DPP9: variants seen among roughly 807,000 people sequenced by gnomAD.
The protein encoded by DPP9 is dipeptidyl peptidase IV-related protein-2.
In DPP9, 50 loss-of-function variants were observed where a neutral mutation model predicts 110.7. The ratio of observed to expected loss-of-function variants is 0.45; its 90% CI spans 0.36 to 0.57. DPP9 has a LOEUF of 0.57. DPP9 is among the 20% of genes least tolerant of loss of function. The probability of loss-of-function intolerance (pLI) is 0.00; values close to 1 mark genes in which losing one functional copy is unlikely to be tolerated. For synonymous variants in DPP9, 561 were observed against 514.4 expected (o/e 1.09, Z -1.23); for missense variants, 1,022 against 1,217.9 (o/e 0.84, Z 2.39).
chr19:4,682,632 A>G lies in DPP9; in HGVS notation c.2474+64T>C. On this transcript the variant is annotated intron_variant, in intron 20 of 21. Transcript: ENST00000262960. This position sits in a 1 kb window ranked among gnomAD's most constrained non-coding sequence, Gnocchi z 7.1. ...GGGGCAGGAGGGCACCCTCATAGAG[A>G]CAGCTGGTGCCGGGGTGCAGGAGAA... is the stretch of plus-strand genomic sequence containing the variant. 1 of 1,575,368 alleles carries G rather than the reference A, an allele frequency of 6.3e-7. No homozygotes were observed. The highest frequency in any genetic ancestry group is 8.6e-7 in the Non-Finnish European group (1 of 1,161,624).
chr19:4,686,033 C>T (rs2090651481), intron 16 of DPP9: 1 of 414,776 alleles, frequency 2.4e-6, no homozygotes, highest in East Asian at 4.4e-5. Flanking sequence ...CCACCTCGGC[C>T]TCCTGTGTAG....
chr19:4,697,963 A>G (rs1372434824), intron 10 of DPP9, among the ~76,000 whole-genome samples: 2 of 152,176 alleles, frequency 1.3e-5, no homozygotes, highest in African/African-American at 4.8e-5. Context: ...GCCACCAAGA[A>G]GCCATGGAGA....
intron 4 of DPP9, among the ~76,000 whole-genome samples, chr19:4,713,485 C>T (rs773229314): frequency 3.9e-5 from 6 of 152,358 alleles, no homozygotes; most frequent in South Asian, 2.1e-4. Context: ...TGCAGGCACA[C>T]GCCCAGAGGA....
chr19:4,684,150 C>G lies in DPP9; in HGVS notation c.2178+513G>C, dbSNP rs1339654074. ...ACTCATGTGAATGGGATGAGGGGCC[C>G]TTATAAAAGGGCCTGATGGAGGGAG... On this transcript the variant is annotated intron_variant, in intron 18 of 21. Coordinates refer to ENST00000262960, the MANE Select transcript of DPP9 (RefSeq NM_139159.5). This position sits in a 1 kb window ranked among gnomAD's most constrained non-coding sequence, Gnocchi z 4.8. 3.5e-6 allele frequency: 1 copy of G among 282,152 alleles called. No individual in the cohort carries two copies. Among genetic ancestry groups the G allele is most frequent in the East Asian group, 8.9e-5 (1 of 11,264 alleles). The allele number at this position is 282,152 out of a possible 1,614,324, so 17.5% of individuals were successfully genotyped here. A position where few individuals can be genotyped will look rare whatever the true frequency, so the allele number is the denominator to read the frequency against.
chr19:4,685,221 G>C lies in DPP9; in HGVS notation c.2031+405C>G, dbSNP rs1276322762. The C allele has an allele frequency of 9.6e-6, 5 of 519,176 alleles. No homozygotes were observed. The highest frequency in any genetic ancestry group is 7.7e-5 in the South Asian group (5 of 65,144). The allele number at this position is 519,176 out of a possible 1,614,324, so 32.2% of individuals were successfully genotyped here. On this transcript the variant is annotated intron_variant, in intron 17 of 21. Transcript: ENST00000262960. The surrounding 1 kb of genome is among the most constrained non-coding windows in gnomAD (Gnocchi z 5.8). ...AGACATCGCCCCGTATCCTCTGTGG[G>C]GACAGAGCTGCTCTGGGTAAGATGT... is the stretch of plus-strand genomic sequence containing the variant.
intron 19 of DPP9, 33 bp downstream of exon 19, chr19:4,683,444 G>A (rs371059182): frequency 7.1e-5 from 115 of 1,611,494 alleles, no homozygotes; most frequent in Non-Finnish European, 9.6e-5. Flanking sequence ...GCAGGGAGGG[G>A]CGTGGCTGAG....
rs1460303804 is a variant in DPP9 at position 4,718,813 on chromosome 19, C to G, written c.56+1038G>C. On this transcript the variant is annotated intron_variant, in intron 3 of 21. Transcript: ENST00000262960. This position sits in a 1 kb window ranked among gnomAD's most constrained non-coding sequence, Gnocchi z 4.3. ...TCCCCGTCTTCCCCGGTCCATTCTT[C>G]AATTCCCTTCCCAGCTGAGCATGCT... Among the ~76,000 whole-genome samples, 1 of 152,232 alleles carries G rather than the reference C, an allele frequency of 6.6e-6. No homozygotes were observed. The highest frequency in any genetic ancestry group is 2.4e-5 in the African/African-American group (1 of 41,468).
At chr19:4,691,099 A>G (rs1439229420) in intron 13 of DPP9, 142 bp from the exon 14 acceptor site, 2 of 653,308 alleles carry the variant, frequency 3.1e-6, no homozygotes, top group Non-Finnish European at 5.4e-6. Context: ...ACGCCAGCAC[A>G]GGCCACTGCG....
chr19:4,676,847 T>A lies in DPP9; in HGVS notation c.2587-191A>T, dbSNP rs572540096. Among the ~76,000 whole-genome samples the A allele has an allele frequency of 2.8e-4, 42 of 152,182 alleles. No individual in the cohort carries two copies. Among genetic ancestry groups the A allele is most frequent in the African/African-American group, 8.9e-4 (37 of 41,522 alleles). On this transcript the variant is annotated intron_variant, in intron 21 of 21. Transcript: ENST00000262960. This position sits in a 1 kb window ranked among gnomAD's most constrained non-coding sequence, Gnocchi z 4.0. ...GGGCCTCTCTAAAAAATGGGGTGAA[T>A]CCGGACCTCACAGTCTTTGGGAGGA... is the stretch of plus-strand genomic sequence containing the variant.
intron 19 of DPP9, chr19:4,683,071 G>A (rs972049973): frequency 1.8e-4 from 272 of 1,488,992 alleles, no homozygotes; most frequent in Non-Finnish European, 2.3e-4. Context: ...CCCCGCCGCC[G>A]CAGAGGGCCG....
Position 4,685,277 on chromosome 19 carries a change from T to C in DPP9, c.2031+349A>G. ...TAAGATGGTCCAACTGCCAATCTGCTGCCTGCTTTTGACCCCTGCTCCAGG... is the reference window on the plus strand; with the variant it reads ...TAAGATGGTCCAACTGCCAATCTGCCGCCTGCTTTTGACCCCTGCTCCAGG... On this transcript the variant is annotated intron_variant, in intron 17 of 21. Coordinates refer to ENST00000262960, the MANE Select transcript of DPP9 (RefSeq NM_139159.5). The surrounding 1 kb of genome is among the most constrained non-coding windows in gnomAD (Gnocchi z 5.8). 1.9e-6 allele frequency: 1 copy of C among 538,842 alleles called. No individual in the cohort carries two copies. The highest frequency in any genetic ancestry group is 4.7e-5 in the East Asian group (1 of 21,424). The allele number at this position is 538,842 out of a possible 1,614,324, so 33.4% of individuals were successfully genotyped here. A position where few individuals can be genotyped will look rare whatever the true frequency, so the allele number is the denominator to read the frequency against.
intron 16 of DPP9, among the ~76,000 whole-genome samples, chr19:4,686,173 C>G (rs898410890): frequency 2.0e-5 from 3 of 151,962 alleles, no homozygotes; most frequent in African/African-American, 7.2e-5. Context: ...CTGCAACCTC[C>G]GCCTTCCTGG....
Position 4,679,940 on chromosome 19 carries a change from G to A in DPP9, c.2481C>T (p.Asn827=). The A allele has an allele frequency of 6.2e-7, 1 of 1,611,646 alleles. No homozygotes were observed. The highest frequency in any genetic ancestry group is 8.5e-7 in the Non-Finnish European group (1 of 1,178,968). Residue 827 remains asparagine, a synonymous_variant, in exon 21 of 22, where the codon AAC becomes AAT. Transcript: ENST00000262960. ...LHVEKLPNEP[N]RLLILHGFLD... Reference sequence around the variant, plus strand: ...GGAAGCCGTGGAGGATAAGCAAGCGGTTGGGCCTGGAAAACAGATGGGGAA... The same window carrying A: ...GGAAGCCGTGGAGGATAAGCAAGCGATTGGGCCTGGAAAACAGATGGGGAA...
In DPP9 at chr19:4,682,543, C is replaced by T. The variant is rs923123618; in HGVS notation, c.2474+153G>A. 6.6e-6 allele frequency among the ~76,000 whole-genome samples: 1 copy of T among 152,144 alleles called. No individual in the cohort carries two copies. Among genetic ancestry groups the T allele is most frequent in the African/African-American group, 2.4e-5 (1 of 41,442 alleles). On this transcript the variant is annotated intron_variant, in intron 20 of 21. Coordinates refer to ENST00000262960, the MANE Select transcript of DPP9 (RefSeq NM_139159.5). This position sits in a 1 kb window ranked among gnomAD's most constrained non-coding sequence, Gnocchi z 7.1. ...GGACTGTGAGGCACATGCAGGCAGA[C>T]GCCACCACAGGAGCACAGCGGGGAG...
intron 4 of DPP9, among the ~76,000 whole-genome samples, chr19:4,713,255 C>T (rs2092916412): frequency 6.6e-6 from 1 of 152,232 alleles, no homozygotes; most frequent in African/African-American, 2.4e-5. Context: ...AAGACACAGG[C>T]CTGGCTGATC....
chr19:4,722,162 CT>C (rs2093351729), intron 2 of DPP9: 1 of 292,966 alleles, frequency 3.4e-6, no homozygotes, highest in Non-Finnish European at 6.3e-6. Context: ...AACTAAAGTC[CT>C]TTCAGGGCCA....
chr19:4,685,547 A>T lies in DPP9; in HGVS notation c.2031+79T>A. 1 of 1,433,936 alleles carries T rather than the reference A, an allele frequency of 7.0e-7. No homozygotes were observed. Among genetic ancestry groups the T allele is most frequent in the Non-Finnish European group, 9.5e-7 (1 of 1,049,586 alleles). 88.8% of individuals were successfully genotyped at this position (1,433,936 alleles called of 1,614,324 possible). A position where few individuals can be genotyped will look rare whatever the true frequency, so the allele number is the denominator to read the frequency against. On this transcript the variant is annotated intron_variant, in intron 17 of 21. Coordinates refer to ENST00000262960, the MANE Select transcript of DPP9 (RefSeq NM_139159.5). The surrounding 1 kb of genome is among the most constrained non-coding windows in gnomAD (Gnocchi z 5.8). ...GGAGCCTCCTCTGGTTGACTGTTCT[A>T]CAGCTGGCACTTGAGTGGGGATGGG... is the stretch of plus-strand genomic sequence containing the variant.
At chr19:4,691,599 C>A (rs977641160) in intron 13 of DPP9, among the ~76,000 whole-genome samples, 2 of 112,430 alleles carry the variant, frequency 1.8e-5, no homozygotes, top group African/African-American at 6.9e-5. Context: ...GGAAGGGGGG[C>A]GGGGAGTGTG....
rs1568322805 is a variant in DPP9, at chr19:4,703,936, A to G, written c.719T>C (p.Val240Ala). The G allele has an allele frequency of 6.2e-7, 1 of 1,613,370 alleles. No homozygotes were observed. The highest frequency in any genetic ancestry group is 2.2e-5 in the East Asian group (1 of 44,852). ...CTCCTCGCCTGTCTCGATGTTGGCCACCCACAGGTCGCTGTTATTGATGAA... is the reference window on the plus strand; with the variant it reads ...CTCCTCGCCTGTCTCGATGTTGGCCGCCCACAGGTCGCTGTTATTGATGAA... The part of the protein sequence containing the change: ...FSFINNSDLW[V>A]ANIETGEERR... The change falls in exon 7 of 22, where the codon GTG (valine) becomes GCG (alanine). Residue 240 changes from valine to alanine, a missense_variant. By Grantham distance (64) the Val-to-Ala change is moderately conservative. Coordinates refer to ENST00000262960, the MANE Select transcript of DPP9 (RefSeq NM_139159.5).
Sources: allele counts gnomAD v4.1 joint callset (sites outside exome capture counted in the v4.1 genomes callset), GRCh38; gene constraint gnomAD v4.1.1; non-coding constraint Gnocchi (gnomAD v3.1); transcripts MANE v1.5; gene names NCBI Gene and HGNC (gene_info 2026-07-23, HGNC 2026-07-21).